The following RSPH14 variants were observed in gnomAD, a reference collection of about 807,000 sequenced individuals.
RSPH14 encodes radial spoke head 14 homolog, also known as rhabdoid tumor deletion region gene 1.
In RSPH14, 20 loss-of-function variants were observed where a neutral mutation model predicts 26.7. The ratio of observed to expected loss-of-function variants is 0.75; its 90% CI spans 0.53 to 1.09. The LOEUF (loss-of-function observed/expected upper bound fraction) is 1.09, where lower values mean the gene tolerates loss of function less well. Among genes scored for constraint, RSPH14 ranks in the 50% least tolerant of loss-of-function variants. The pLI is 0.00. For missense variants in RSPH14, 449 were observed against 457.2 expected (o/e 0.98, Z 0.16); for synonymous variants, 177 against 189.3 (o/e 0.93, Z 0.53).
intron 4 of RSPH14, among the ~76,000 whole-genome samples, chr22:23,113,354 A>T (rs1345479849): frequency 1.3e-5 from 2 of 152,026 alleles, no homozygotes; most frequent in African/African-American, 4.8e-5. Flanking sequence ...TCATAGTCCC[A>T]TCAACCCCTC....
intron 4 of RSPH14, among the ~76,000 whole-genome samples, chr22:23,069,484 A>G (rs2068286553): frequency 6.6e-6 from 1 of 152,120 alleles, no homozygotes; most frequent in Non-Finnish European, 1.5e-5. Context: ...GAAATTGAAA[A>G]CAGAATTTTG....
At chr22:23,164,909 C>T in the RSPH14 span, among the ~76,000 whole-genome samples, 1 of 151,872 alleles carries the variant, frequency 6.6e-6, no homozygotes, top group Non-Finnish European at 1.5e-5. Flanking sequence ...CACCCCACCC[C>T]CACAGGCCCC....
At chr22:23,125,895 G>T (rs545475404) in intron 4 of RSPH14, among the ~76,000 whole-genome samples, 4 of 152,244 alleles carry the variant, frequency 2.6e-5, no homozygotes, top group African/African-American at 9.6e-5. Flanking sequence ...AAGCAAAGTG[G>T]GGGGTCGGCA....
the RSPH14 span, among the ~76,000 whole-genome samples, chr22:23,177,410 C>T: frequency 2.6e-5 from 4 of 152,184 alleles, no homozygotes; most frequent in African/African-American, 9.7e-5. Flanking sequence ...TCCACCAGAC[C>T]TGGTTGAGCA....
chr22:23,175,546 T>A, the RSPH14 span, among the ~76,000 whole-genome samples: 1 of 150,918 alleles, frequency 6.6e-6, no homozygotes, highest in Non-Finnish European at 1.5e-5. Flanking sequence ...GATCTTAAAC[T>A]CCTGACCTCA....
chr22:23,145,477 G>A (rs2070709407), upstream of RSPH14: 1 of 1,609,214 alleles, frequency 6.2e-7, no homozygotes, highest in African/African-American at 1.3e-5. Context: ...CGTGGCTCTC[G>A]TTGCCATGGT....
chr22:23,135,963 G>A (rs11913733), intron 3 of RSPH14: 1,941 of 153,628 alleles, frequency 0.013, 41 homozygotes, highest in African/African-American at 0.044. Context: ...GTGCCACTGC[G>A]GCATTTATTA....
the RSPH14 span, among the ~76,000 whole-genome samples, chr22:23,171,130 G>T: frequency 6.6e-6 from 1 of 152,052 alleles, no homozygotes; most frequent in Non-Finnish European, 1.5e-5. Flanking sequence ...ACCACGCCCA[G>T]CCAATTTTTG....
At position 23,064,222 on chromosome 22, in the gene RSPH14, G is replaced by A. The variant is rs1217194412; in HGVS notation, c.422-89C>T. The stretch of plus-strand genomic sequence containing the variant: ...GCCTGCAGGGCTCAAGGAGGGTCTT[G>A]CAGAACCAGTGGGTGGGTTTGACAA... On this transcript the variant is annotated intron_variant, in intron 4 of 6. Transcript: ENST00000216036. The A allele has an allele frequency of 5.7e-6, 7 of 1,234,324 alleles. No homozygotes were observed. In the Admixed American group the frequency reaches 1.3e-4, roughly 23 times the overall value. 76.5% of individuals were successfully genotyped at this position (1,234,324 alleles called of 1,614,324 possible).
chr22:23,123,874 C>T (rs1292953719), intron 4 of RSPH14: 1 of 222,254 alleles, frequency 4.5e-6, no homozygotes, highest in Admixed American at 5.2e-5. Flanking sequence ...GCTGCCCGAG[C>T]TCTGGCCTAG....
chr22:23,165,381 G>A, the RSPH14 span, among the ~76,000 whole-genome samples: 1 of 152,180 alleles, frequency 6.6e-6, no homozygotes, highest in African/African-American at 2.4e-5. Flanking sequence ...CCCCAGTCCT[G>A]TCTGACCCAG....
At chr22:23,153,220 T>C in the RSPH14 span, 8 of 1,021,806 alleles carry the variant, frequency 7.8e-6, no homozygotes, top group Non-Finnish European at 1.5e-6. Context: ...ACTGTGTCCA[T>C]GTCAAGGAGG....
chr22:23,073,610 C>T (rs536907854), intron 4 of RSPH14, among the ~76,000 whole-genome samples: 93 of 152,338 alleles, frequency 6.1e-4, no homozygotes, highest in South Asian at 4.1e-3. Context: ...CCCTTTCGTG[C>T]GAACACCGCC....
At chr22:23,118,991 C>G (rs1181022293) in intron 4 of RSPH14, among the ~76,000 whole-genome samples, 2 of 152,226 alleles carry the variant, frequency 1.3e-5, no homozygotes, top group African/African-American at 4.8e-5. Flanking sequence ...GTGAGCAGAG[C>G]ATGGACAGGT....
intron 4 of RSPH14, among the ~76,000 whole-genome samples, chr22:23,068,700 T>A (rs946513530): frequency 6.6e-6 from 1 of 152,258 alleles, no homozygotes; most frequent in Admixed American, 6.5e-5. Context: ...GGAAACAGCC[T>A]CTGGCTATCC....
the RSPH14 span, among the ~76,000 whole-genome samples, chr22:23,158,622 G>A: frequency 6.6e-6 from 1 of 152,226 alleles, no homozygotes; most frequent in South Asian, 2.1e-4. Context: ...AACATGCAGG[G>A]CTCATGCAAG....
At chr22:23,180,237 C>T in the RSPH14 span, 3 of 208,630 alleles carry the variant, frequency 1.4e-5, no homozygotes, top group African/African-American at 6.9e-5. Context: ...TGGCCCAGAC[C>T]TCTGTATTGG....
At chr22:23,098,521 C>T (rs1280750225) in intron 4 of RSPH14, among the ~76,000 whole-genome samples, 1 of 152,238 alleles carries the variant, frequency 6.6e-6, no homozygotes, top group Non-Finnish European at 1.5e-5. Flanking sequence ...TCAGGGATCC[C>T]TGTGAGGTTC....
chr22:23,069,558 C>G (rs776343819), intron 4 of RSPH14, among the ~76,000 whole-genome samples: 3 of 152,178 alleles, frequency 2.0e-5, no homozygotes, highest in Non-Finnish European at 2.9e-5. Flanking sequence ...CCAAAAGCGC[C>G]AATCAGTGGC....
Sources: allele counts gnomAD v4.1 joint callset (sites outside exome capture counted in the v4.1 genomes callset), GRCh38; gene constraint gnomAD v4.1.1; transcripts MANE v1.5; gene names NCBI Gene and HGNC (gene_info 2026-07-23, HGNC 2026-07-21).